The following NEK7 variants were observed in gnomAD, a reference collection of about 807,000 sequenced individuals.
The protein encoded by NEK7 is NIMA related kinase 7, also known as serine/threonine-protein kinase Nek7.
NEK7 carries 18 observed loss-of-function variants against 44.6 expected under a neutral mutation model. That is an observed-to-expected ratio of 0.40 (90% CI 0.28 to 0.60). The LOEUF is 0.60. Among genes scored for constraint, NEK7 ranks in the 20% least tolerant of loss-of-function variants. The pLI, the probability that NEK7 is intolerant of heterozygous loss-of-function variation, is 0.38. For synonymous variants in NEK7, 130 were observed against 121.1 expected (o/e 1.07, Z -0.48); for missense variants, 256 against 366.5 (o/e 0.70, Z 2.46).
intron 1 of NEK7, among the ~76,000 whole-genome samples, chr1:198,214,922 G>A (rs1309476082): frequency 6.6e-6 from 1 of 152,070 alleles, no homozygotes; most frequent in Non-Finnish European, 1.5e-5. Context: ...TCTAATAATG[G>A]TAAGACAAAA....
At chr1:198,232,701 G>A in intron 2 of NEK7, 64 bp downstream of exon 2, 3 of 923,264 alleles carry the variant, frequency 3.2e-6, no homozygotes, top group African/African-American at 1.7e-5. Flanking sequence ...GTGTAAGAAA[G>A]TAGTACATTT....
At chr1:198,215,506 T>G (rs1439906112) in intron 1 of NEK7, among the ~76,000 whole-genome samples, 2 of 151,526 alleles carry the variant, frequency 1.3e-5, no homozygotes, top group Admixed American at 6.6e-5. Flanking sequence ...TTTATTTTGC[T>G]CATCAGCTGT....
intron 2 of NEK7, among the ~76,000 whole-genome samples, chr1:198,242,145 T>C (rs963514910): frequency 6.6e-6 from 1 of 152,064 alleles, no homozygotes; most frequent in African/African-American, 2.4e-5. Flanking sequence ...TATATTCTTA[T>C]TACATCTACT....
intron 2 of NEK7, among the ~76,000 whole-genome samples, chr1:198,233,771 A>G (rs972459284): frequency 1.2e-4 from 15 of 124,092 alleles, no homozygotes; most frequent in Non-Finnish European, 2.3e-4. Flanking sequence ...TTTTTAGTGC[A>G]TCTATTGACT....
At chr1:198,203,505 T>C (rs1266489784) in intron 1 of NEK7, among the ~76,000 whole-genome samples, 1 of 152,240 alleles carries the variant, frequency 6.6e-6, no homozygotes, top group African/African-American at 2.4e-5. Flanking sequence ...GTTACTTTAA[T>C]GTCTAGGAGA....
At chr1:198,257,589 T>C (rs1182275844) in intron 3 of NEK7, among the ~76,000 whole-genome samples, 2 of 152,188 alleles carry the variant, frequency 1.3e-5, no homozygotes, top group African/African-American at 4.8e-5. Flanking sequence ...ATTTAATCTC[T>C]ATAGACTTCC....
chr1:198,315,586 C>T (rs530507252), intron 9 of NEK7, among the ~76,000 whole-genome samples: 11 of 152,098 alleles, frequency 7.2e-5, no homozygotes, highest in Non-Finnish European at 1.5e-4. Flanking sequence ...AAAGCAAAGC[C>T]GTCAGCTGGA....
intron 5 of NEK7, among the ~76,000 whole-genome samples, chr1:198,273,597 T>A (rs1653921062): frequency 6.6e-6 from 1 of 151,712 alleles, no homozygotes; most frequent in Non-Finnish European, 1.5e-5. Flanking sequence ...TTTGAGAACT[T>A]AACATCCCCT....
chr1:198,318,476 A>G (rs889395459), intron 9 of NEK7, among the ~76,000 whole-genome samples: 3 of 152,174 alleles, frequency 2.0e-5, no homozygotes, highest in African/African-American at 7.2e-5. Flanking sequence ...AGAAATTGAG[A>G]ACTATGAAGA....
rs190439902 is a variant in NEK7 at position 198,287,252 on chromosome 1, C to T, written c.590-5693C>T. ...ATCCCGGCACTTTGGGAGGCCGAAG[C>T]GGGTGGATCACGAGGTCAGGAGATT... On this transcript the variant is annotated intron_variant, in intron 7 of 9. Transcript: ENST00000367385. Among the ~76,000 whole-genome samples the T allele has an allele frequency of 5.2e-3, 792 of 152,058 alleles. 9 individuals are homozygous for T. The highest frequency in any genetic ancestry group is 0.018 in the African/African-American group (751 of 41,464).
chr1:198,302,668 T>G (rs1466728891), intron 9 of NEK7, among the ~76,000 whole-genome samples: 1 of 152,198 alleles, frequency 6.6e-6, no homozygotes, highest in African/African-American at 2.4e-5. Flanking sequence ...TTGGAGAGTA[T>G]AACATATTTA....
intron 9 of NEK7, among the ~76,000 whole-genome samples, chr1:198,307,500 C>G (rs1318664398): frequency 2.0e-5 from 3 of 152,128 alleles, no homozygotes; most frequent in African/African-American, 7.2e-5. Context: ...ATTACAGAGT[C>G]TTCCCTAAAT....
intron 1 of NEK7, chr1:198,207,156 G>A (rs7522538): frequency 6.6e-6 from 1 of 151,858 alleles, no homozygotes; most frequent in African/African-American, 2.4e-5. Flanking sequence ...CAGTATTTTT[G>A]ATAATCTTAT....
chr1:198,188,649 G>A (rs1435355932), intron 1 of NEK7, among the ~76,000 whole-genome samples: 3 of 152,084 alleles, frequency 2.0e-5, no homozygotes, highest in African/African-American at 7.2e-5. Context: ...TCTTGAGGCT[G>A]TGCTGCAAAC....
At chr1:198,198,789 C>T (rs1355131583) in intron 1 of NEK7, among the ~76,000 whole-genome samples, 1 of 152,232 alleles carries the variant, frequency 6.6e-6, no homozygotes, top group Non-Finnish European at 1.5e-5. Flanking sequence ...AATTCCCTCT[C>T]CCCACAATTC....
At chr1:198,252,933 T>G in intron 2 of NEK7, 107 bp from the exon 3 acceptor site, 1 of 915,396 alleles carries the variant, frequency 1.1e-6, no homozygotes, top group South Asian at 1.7e-5. Context: ...AATGGATGTC[T>G]GCAAACTTAC....
chr1:198,168,768 T>C (rs779728230), intron 1 of NEK7, among the ~76,000 whole-genome samples: 2 of 152,122 alleles, frequency 1.3e-5, no homozygotes, highest in Non-Finnish European at 2.9e-5. Flanking sequence ...TTGGGAGTTG[T>C]TGGTAGGTAG....
intron 1 of NEK7, among the ~76,000 whole-genome samples, chr1:198,222,803 A>T (rs527544355): frequency 6.6e-6 from 1 of 152,186 alleles, no homozygotes; most frequent in South Asian, 2.1e-4. Context: ...CACAATAAAA[A>T]AGTAAATAAT....
At chr1:198,298,266 G>A (rs991297960) in intron 9 of NEK7, among the ~76,000 whole-genome samples, 7 of 152,120 alleles carry the variant, frequency 4.6e-5, no homozygotes, top group African/African-American at 9.7e-5. Flanking sequence ...ATTGTGAAAC[G>A]AATAGCATAG....
Sources: gnomAD v4.1 joint callset for allele counts (sites outside exome capture counted in the v4.1 genomes callset) on GRCh38, gnomAD v4.1.1 for gene constraint, MANE v1.5 for transcripts, NCBI Gene and HGNC (gene_info 2026-07-23, HGNC 2026-07-21) for gene names.